The following AHI1 variants were observed in gnomAD, a reference collection of about 807,000 sequenced individuals.
The protein encoded by AHI1 is jouberin.
Under a neutral mutation model 149.3 loss-of-function variants are expected in AHI1, and 123 were observed. The observed-to-expected ratio is 0.82, with a 90% CI of 0.71 to 0.96. The LOEUF is 0.96. AHI1 is among the 40% of genes least tolerant of loss of function. The pLI is 0.00. For missense variants in AHI1, 1,439 were observed against 1,422.7 expected (o/e 1.01, Z -0.18); for synonymous variants, 475 against 459.8 (o/e 1.03, Z -0.42).
chr6:135,348,213 T>A (rs1260122969), intron 24 of AHI1, among the ~76,000 whole-genome samples: 1 of 152,212 alleles, frequency 6.6e-6, no homozygotes, highest in African/African-American at 2.4e-5. Flanking sequence ...AGATGGTAGA[T>A]GTCCATCTAG....
intron 23 of AHI1, among the ~76,000 whole-genome samples, chr6:135,366,271 G>C (rs1464319092): frequency 6.6e-6 from 1 of 151,810 alleles, no homozygotes; most frequent in Non-Finnish European, 1.5e-5. Context: ...TCCTTTCCTG[G>C]CTTTGGTATT....
At chr6:135,414,415 T>C (rs1258594047) in intron 20 of AHI1, among the ~76,000 whole-genome samples, 1 of 152,158 alleles carries the variant, frequency 6.6e-6, no homozygotes, top group Non-Finnish European at 1.5e-5. Context: ...AACACTAAAA[T>C]GCATAAAAGA....
chr6:135,320,248 T>C (rs1786606679), intron 25 of AHI1, among the ~76,000 whole-genome samples: 1 of 152,152 alleles, frequency 6.6e-6, no homozygotes, highest in South Asian at 2.1e-4. Flanking sequence ...TGTTCTGGTC[T>C]ATACAAGGCT....
intron 27 of AHI1, among the ~76,000 whole-genome samples, chr6:135,298,850 A>G (rs1783494301): frequency 6.6e-6 from 1 of 152,198 alleles, no homozygotes; most frequent in African/African-American, 2.4e-5. Context: ...CTGGTATGAA[A>G]TGTAGACCGA....
chr6:135,347,292 T>C (rs528096568), intron 24 of AHI1, among the ~76,000 whole-genome samples: 2 of 152,302 alleles, frequency 1.3e-5, no homozygotes, highest in South Asian at 2.1e-4. Context: ...TAATATATAG[T>C]ATGTAGCAGG....
intron 3 of AHI1, among the ~76,000 whole-genome samples, chr6:135,493,917 C>T (rs1795611491): frequency 6.6e-6 from 1 of 152,170 alleles, no homozygotes; most frequent in African/African-American, 2.4e-5. Context: ...GTGGTGGGTG[C>T]CTGTAATCCC....
rs1793834403 is a variant in AHI1 at position 135,361,363 on chromosome 6, AT to A, written c.3110-3177del. 2.0e-5 allele frequency among the ~76,000 whole-genome samples: 3 copies of A among 152,264 alleles called. No homozygotes were observed. The South Asian group carries it at 6.2e-4, about 32-fold the overall frequency. ...CCTTCTTGCAGATCCAGGCTTTCAC[AT>A]GAGATCATTAATCCCCTGTTATTTT... is the stretch of plus-strand genomic sequence containing the variant. On this transcript the variant is annotated intron_variant, in intron 23 of 28. Coordinates refer to ENST00000265602, the MANE Select transcript of AHI1 (RefSeq NM_001134831.2).
chr6:135,396,820 C>A (rs746120673), intron 22 of AHI1, among the ~76,000 whole-genome samples: 14 of 151,658 alleles, frequency 9.2e-5, no homozygotes, highest in Non-Finnish European at 1.9e-4. Context: ...TTTGCACACA[C>A]ACACACCTAC....
chr6:135,289,940 G>A (rs577024719), intron 28 of AHI1, among the ~76,000 whole-genome samples: 1 of 151,898 alleles, frequency 6.6e-6, no homozygotes, highest in East Asian at 1.9e-4. Flanking sequence ...TCCCACTGGC[G>A]TATCTCGGTG....
At chr6:135,406,648 A>G (rs1780838644) in intron 21 of AHI1, among the ~76,000 whole-genome samples, 1 of 152,202 alleles carries the variant, frequency 6.6e-6, no homozygotes, top group Admixed American at 6.5e-5. Context: ...GAGAAAATTA[A>G]TCTTTTTTCA....
intron 26 of AHI1, among the ~76,000 whole-genome samples, chr6:135,315,993 G>T (rs908844999): frequency 1.3e-5 from 2 of 152,032 alleles, no homozygotes; most frequent in Non-Finnish European, 2.9e-5. Flanking sequence ...TGCATTCTAG[G>T]ATACTGAGCA....
intron 3 of AHI1, chr6:135,495,282 T>G (rs1795809928): frequency 1.3e-5 from 2 of 152,008 alleles, no homozygotes; most frequent in South Asian, 4.2e-4. Context: ...TAGCTCCCAA[T>G]CGCACATTGA....
chr6:135,375,283 A>C lies in AHI1; in HGVS notation c.3110-17096T>G, dbSNP rs1403411176. On this transcript the variant is annotated intron_variant, in intron 23 of 28. Coordinates refer to ENST00000265602, the MANE Select transcript of AHI1 (RefSeq NM_001134831.2). ...AAATCATATAGAAGAACATGTAAGAATACCTTAAAAAAATCCCGAGGGGAA... is the reference window on the plus strand; with the variant it reads ...AAATCATATAGAAGAACATGTAAGACTACCTTAAAAAAATCCCGAGGGGAA... 3.3e-5 allele frequency among the ~76,000 whole-genome samples: 5 copies of C among 152,334 alleles called. No individual in the cohort carries two copies. In the South Asian group the frequency reaches 8.3e-4, roughly 25 times the overall value.
At chr6:135,287,464 C>T (rs994995048) in intron 28 of AHI1, among the ~76,000 whole-genome samples, 1 of 152,136 alleles carries the variant, frequency 6.6e-6, no homozygotes, top group South Asian at 2.1e-4. Context: ...GGCGGCTCCT[C>T]CTGACGATGG....
chr6:135,297,968 T>A (rs943136261), intron 27 of AHI1, among the ~76,000 whole-genome samples: 3 of 152,142 alleles, frequency 2.0e-5, no homozygotes, highest in Admixed American at 6.5e-5. Flanking sequence ...TTAATATGAT[T>A]AACTATATGA....
intron 18 of AHI1, 64 bp downstream of exon 18, chr6:135,429,816 TAA>T: frequency 1.0e-6 from 1 of 994,648 alleles, no homozygotes; most frequent in South Asian, 1.7e-5. Context: ...CCGAATTTTA[TAA>T]ATATAATTTA....
rs543056744 is a variant in AHI1, at chr6:135,408,251, G to A, written c.2961+3097C>T. The stretch of plus-strand genomic sequence containing the variant: ...AAATCTGTTGGTGAGTTGTTTTTAT[G>A]CCTGTAGATGAAGTTACTTTGCCAT... On this transcript the variant is annotated intron_variant, in intron 21 of 28. Coordinates refer to ENST00000265602, the MANE Select transcript of AHI1 (RefSeq NM_001134831.2). Among the ~76,000 whole-genome samples, 297 of 152,218 alleles carry A rather than the reference G, an allele frequency of 2.0e-3. 3 individuals are homozygous for A. The highest frequency in any genetic ancestry group is 6.7e-3 in the African/African-American group (279 of 41,556).
At chr6:135,482,249 T>G (rs1793770473) in intron 5 of AHI1, among the ~76,000 whole-genome samples, 1 of 152,122 alleles carries the variant, frequency 6.6e-6, no homozygotes, top group East Asian at 1.9e-4. Context: ...CAACTCCTAT[T>G]CCAAAGGCCT....
chr6:135,319,958 C>T (rs1171258474), intron 25 of AHI1, among the ~76,000 whole-genome samples: 1 of 152,150 alleles, frequency 6.6e-6, no homozygotes, highest in Non-Finnish European at 1.5e-5. Context: ...CTTAGAGTAT[C>T]TGCTTGTATA....
Sources: allele counts gnomAD v4.1 joint callset (sites outside exome capture counted in the v4.1 genomes callset), GRCh38; gene constraint gnomAD v4.1.1; transcripts MANE v1.5; gene names NCBI Gene and HGNC (gene_info 2026-07-23, HGNC 2026-07-21).